RBPJ: variants seen among roughly 807,000 people sequenced by gnomAD.
RBPJ encodes recombination signal binding protein for immunoglobulin kappa J region.
RBPJ carries 9 observed loss-of-function variants against 67.8 expected under a neutral mutation model. The ratio of observed to expected loss-of-function variants is 0.13; its 90% CI spans 0.08 to 0.23. The LOEUF (loss-of-function observed/expected upper bound fraction) is 0.23, where lower values mean the gene tolerates loss of function less well. Ranked by LOEUF, RBPJ falls within the 10% of genes least tolerant of loss-of-function variation. RBPJ has a pLI of 1.00. For missense variants in RBPJ, 305 were observed against 595.6 expected, an observed-to-expected ratio of 0.51 and a Z score of 5.08; for synonymous variants, 198 against 203.3, an observed-to-expected ratio of 0.97 and a Z score of 0.22.
At chr4:26,281,761 G>T (rs1157158470) in intron 1 of RBPJ, among the ~76,000 whole-genome samples, 3 of 152,202 alleles carry the variant, frequency 2.0e-5, no homozygotes, top group African/African-American at 7.2e-5. Flanking sequence ...GAATTGTCCA[G>T]CAAGCCTTTC....
intron 1 of RBPJ, among the ~76,000 whole-genome samples, chr4:26,206,395 C>T (rs1718170898): frequency 6.6e-6 from 1 of 152,192 alleles, no homozygotes; most frequent in Admixed American, 6.6e-5. Flanking sequence ...TTATTCCTCC[C>T]CCTCCCAGGA....
chr4:26,236,339 G>A lies in RBPJ; in HGVS notation c.-167+72725G>A, dbSNP rs115432499. On this transcript the variant is annotated intron_variant, in intron 1 of 4. Coordinates refer to the RBPJ transcript ENST00000512351. ...CATTATTTCCTGCTTGTAACAAGTC[G>A]CTCCACAAATTAGTGGCTTAAAACA... Among the ~76,000 whole-genome samples the A allele has an allele frequency of 4.8e-3, 735 of 152,204 alleles. 4 individuals carry two copies. The highest frequency in any genetic ancestry group is 0.017 in the African/African-American group (699 of 41,524).
chr4:26,178,011 G>A (rs1716856299), intron 1 of RBPJ, among the ~76,000 whole-genome samples: 2 of 152,190 alleles, frequency 1.3e-5, no homozygotes, highest in Non-Finnish European at 1.5e-5. Context: ...TGGATAGATT[G>A]AAAATGGCCA....
Position 26,321,034 on chromosome 4 carries a change from G to T in RBPJ, c.6G>T (p.Ala2=), listed in dbSNP as rs1379863525. Residue 2 remains alanine (A), a synonymous_variant, in exon 1 of 11, where the codon GCG becomes GCT. Transcript: ENST00000355476. ...TTGGCGAGAGTTTGTGGAAGATGGC[G>T]CCTGTTGTGACAGGGTAAGTCTGAG... M[A]PVVTGKFGER... is the part of the protein sequence containing the mutation. 1 of 1,612,794 alleles carries T rather than the reference G, an allele frequency of 6.2e-7. No individual in the cohort carries two copies. Among genetic ancestry groups the T allele is most frequent in the South Asian group, 1.1e-5 (1 of 91,060 alleles).
intron 1 of RBPJ, among the ~76,000 whole-genome samples, chr4:26,191,240 G>GAT (rs1425254033): frequency 3.0e-5 from 3 of 100,118 alleles, no homozygotes; most frequent in African/African-American, 1.1e-4. Flanking sequence ...GAGAGAGAGA[G>GAT]ATAGAGAGAG....
At chr4:26,134,182 CT>C in the RBPJ span, among the ~76,000 whole-genome samples, 1 of 152,206 alleles carries the variant, frequency 6.6e-6, no homozygotes, top group Admixed American at 6.5e-5. Context: ...AGAGTTCATT[CT>C]TTTTGGGTCT....
chr4:26,327,927 T>C (rs116173294), intron 1 of RBPJ, among the ~76,000 whole-genome samples: 40 of 152,302 alleles, frequency 2.6e-4, no homozygotes, highest in Non-Finnish European at 4.9e-4. Flanking sequence ...TTATGAAATA[T>C]AAATGTAATA....
At chr4:26,409,996 A>G in intron 3 of RBPJ, 1 of 449,988 alleles carries the variant, frequency 2.2e-6, no homozygotes, top group South Asian at 1.6e-5. Flanking sequence ...TTACTTTATG[A>G]TAAAGGGGAA....
At chr4:26,413,489 T>A (rs918585552) in intron 3 of RBPJ, among the ~76,000 whole-genome samples, 2 of 152,220 alleles carry the variant, frequency 1.3e-5, no homozygotes, top group African/African-American at 4.8e-5. Context: ...TTTTGTCTAA[T>A]TTTTTTGTTT....
chr4:26,130,667 A>G, the RBPJ span, among the ~76,000 whole-genome samples: 1 of 152,074 alleles, frequency 6.6e-6, no homozygotes, highest in Admixed American at 6.5e-5. Flanking sequence ...AACTTCAATG[A>G]TCTACTCCTT....
intron 1 of RBPJ, among the ~76,000 whole-genome samples, chr4:26,240,611 G>T (rs1423231851): frequency 1.3e-5 from 2 of 152,190 alleles, no homozygotes; most frequent in Non-Finnish European, 2.9e-5. Flanking sequence ...ATGGAAGGGG[G>T]TCCTTGATGT....
At chr4:26,107,013 G>A in the RBPJ span, among the ~76,000 whole-genome samples, 2 of 152,198 alleles carry the variant, frequency 1.3e-5, no homozygotes, top group African/African-American at 2.4e-5. Context: ...TGGAGCCAAG[G>A]TTACAGCAGA....
intron 7 of RBPJ, among the ~76,000 whole-genome samples, chr4:26,428,257 A>C (rs1735882546): frequency 6.6e-6 from 1 of 152,198 alleles, no homozygotes; most frequent in Non-Finnish European, 1.5e-5. Context: ...TTTTATGCAT[A>C]TTATTGGAAA....
intron 1 of RBPJ, among the ~76,000 whole-genome samples, chr4:26,305,766 C>CTTTTTT (rs1722212611): frequency 5.6e-4 from 32 of 57,634 alleles, no homozygotes; most frequent in African/African-American, 8.9e-4. Flanking sequence ...TTAGAATTTT[C>CTTTTTT]TTTTCTTTTT....
chr4:26,318,449 G>T (rs11946144), upstream of RBPJ, among the ~76,000 whole-genome samples: 4 of 152,072 alleles, frequency 2.6e-5, no homozygotes, highest in African/African-American at 9.7e-5. Context: ...TACGTAAAAT[G>T]GAATATTGCA....
Position 26,271,863 on chromosome 4 carries a change from G to A in RBPJ, c.-166-90583G>A, listed in dbSNP as rs141979389. On this transcript the variant is annotated intron_variant, in intron 1 of 4. Coordinates refer to the RBPJ transcript ENST00000512351. ...CACAGTGTCACTGCCACACACACAC[G>A]TGCATGCACACGTGTGAGCAACCAC... Among the ~76,000 whole-genome samples the A allele has an allele frequency of 2.7e-3, 408 of 152,248 alleles. 2 individuals carry two copies. Among genetic ancestry groups the A allele is most frequent in the African/African-American group, 9.0e-3 (373 of 41,546 alleles).
intron 1 of RBPJ, among the ~76,000 whole-genome samples, chr4:26,204,316 T>C (rs4552442): frequency 0.75 from 113,486 of 152,046 alleles, 42,455 homozygotes; most frequent in Middle Eastern, 0.85. Flanking sequence ...CAAAAAATGC[T>C]GAATCTAGCA....
intron 1 of RBPJ, among the ~76,000 whole-genome samples, chr4:26,257,229 G>C (rs1050417568): frequency 6.6e-5 from 10 of 152,118 alleles, no homozygotes; most frequent in Non-Finnish European, 1.3e-4. Context: ...ATATTATTTT[G>C]TTACAGGCAC....
intron 1 of RBPJ, among the ~76,000 whole-genome samples, chr4:26,252,942 A>G (rs1415407729): frequency 6.6e-6 from 1 of 152,194 alleles, no homozygotes. Flanking sequence ...TATATAAAAA[A>G]CCCAGCTGCT....
Sources: allele counts gnomAD v4.1 joint callset (sites outside exome capture counted in the v4.1 genomes callset), GRCh38; gene constraint gnomAD v4.1.1; transcripts MANE v1.5; gene names NCBI Gene and HGNC (gene_info 2026-07-23, HGNC 2026-07-21).